The following SLC39A11 variants were observed in gnomAD, a reference collection of about 807,000 sequenced individuals.
SLC39A11 encodes the protein solute carrier family 39 member 11.
SLC39A11 carries 33 observed loss-of-function variants against 36.1 expected under a neutral mutation model. The observed-to-expected ratio is 0.91, with a 90% CI of 0.69 to 1.22. SLC39A11 has a LOEUF of 1.22. Among genes scored for constraint, SLC39A11 ranks in the 50% most tolerant of loss-of-function variants. SLC39A11 has a pLI of 0.00. For missense variants in SLC39A11, 432 were observed against 430.3 expected (o/e 1.00, Z -0.03); for synonymous variants, 166 against 170.3 (o/e 0.97, Z 0.20).
At chr17:73,039,051 T>C (rs1345789048) in intron 3 of SLC39A11, among the ~76,000 whole-genome samples, 1 of 152,194 alleles carries the variant, frequency 6.6e-6, no homozygotes, top group Non-Finnish European at 1.5e-5. Flanking sequence ...CGAGTTTGAA[T>C]CTTGGCTCAG....
intron 6 of SLC39A11, among the ~76,000 whole-genome samples, chr17:72,835,398 G>A (rs1444537708): frequency 6.6e-6 from 1 of 152,172 alleles, no homozygotes; most frequent in Non-Finnish European, 1.5e-5. Context: ...GAGTTTGGGG[G>A]AAGAGGAGGA....
chr17:72,964,847 C>A (rs1310740628), intron 4 of SLC39A11, among the ~76,000 whole-genome samples: 1 of 152,158 alleles, frequency 6.6e-6, no homozygotes, highest in Non-Finnish European at 1.5e-5. Context: ...GACTTGGAAC[C>A]AACCCAAATG....
chr17:72,734,453 G>A (rs145044198), intron 7 of SLC39A11, among the ~76,000 whole-genome samples: 37 of 152,250 alleles, frequency 2.4e-4, no homozygotes, highest in African/African-American at 7.9e-4. Flanking sequence ...AGGTGTGGGG[G>A]CATATGGACC....
chr17:72,865,967 C>A (rs986465430), intron 5 of SLC39A11, among the ~76,000 whole-genome samples: 3 of 152,144 alleles, frequency 2.0e-5, no homozygotes, highest in Admixed American at 6.5e-5. Context: ...GAGGATAAAT[C>A]TAAATCAGAG....
At chr17:72,809,199 T>TTCTTTCTCTCTCTCTCTC (rs2077356551) in intron 6 of SLC39A11, among the ~76,000 whole-genome samples, 1 of 102,202 alleles carries the variant, frequency 9.8e-6, no homozygotes, top group African/African-American at 2.7e-5. Context: ...TTTCTTTTCT[T>TTCTTTCTCTCTCTCTCTC]TCTCTCTCTC....
chr17:72,703,670 C>G (rs912296905), intron 7 of SLC39A11, among the ~76,000 whole-genome samples: 5 of 152,210 alleles, frequency 3.3e-5, no homozygotes, highest in Admixed American at 3.3e-4. Context: ...AAACTGTTAA[C>G]ATCCATGGCC....
At chr17:72,825,826 T>A (rs2078007133) in intron 6 of SLC39A11, among the ~76,000 whole-genome samples, 1 of 152,194 alleles carries the variant, frequency 6.6e-6, no homozygotes, top group African/African-American at 2.4e-5. Context: ...CCTTTTGGAA[T>A]GGGGAGTATT....
At chr17:72,834,939 C>T (rs1370473577) in intron 6 of SLC39A11, among the ~76,000 whole-genome samples, 3 of 152,202 alleles carry the variant, frequency 2.0e-5, no homozygotes, top group Non-Finnish European at 2.9e-5. Context: ...GGCATCTGCG[C>T]GTCTGTCGCC....
intron 6 of SLC39A11, among the ~76,000 whole-genome samples, chr17:72,806,669 G>A (rs1193445257): frequency 6.6e-6 from 1 of 151,948 alleles, no homozygotes; most frequent in Non-Finnish European, 1.5e-5. Flanking sequence ...TGCAACCTCC[G>A]CCTCCCAAGT....
intron 3 of SLC39A11, among the ~76,000 whole-genome samples, chr17:73,036,279 G>A (rs1236625481): frequency 6.6e-6 from 1 of 152,134 alleles, no homozygotes; most frequent in Non-Finnish European, 1.5e-5. Context: ...GCAAAATTGA[G>A]TGGAAAGTAC....
At chr17:72,848,597 T>C (rs962420579) in intron 6 of SLC39A11, among the ~76,000 whole-genome samples, 6 of 151,960 alleles carry the variant, frequency 3.9e-5, no homozygotes, top group Non-Finnish European at 7.4e-5. Context: ...GGTGCACACC[T>C]GTAATCCCAG....
chr17:72,879,185 G>GT (rs1192690047), intron 5 of SLC39A11, among the ~76,000 whole-genome samples: 1 of 152,190 alleles, frequency 6.6e-6, no homozygotes, highest in African/African-American at 2.4e-5. Context: ...TGCCCTTTGG[G>GT]TTTTTTATGG....
Position 72,646,373 on chromosome 17 carries a change from T to C in SLC39A11, c.*1211A>G, listed in dbSNP as rs2069560139. 6.6e-6 allele frequency: 1 copy of C among 152,326 alleles called. No individual in the cohort carries two copies. Among genetic ancestry groups the C allele is most frequent in the African/African-American group, 2.4e-5 (1 of 41,444 alleles). 9.4% of individuals were successfully genotyped at this position (152,326 alleles called of 1,614,324 possible). A position where few individuals can be genotyped will look rare whatever the true frequency, so the allele number is the denominator to read the frequency against. On this transcript the variant is annotated 3_prime_UTR_variant, in exon 10 of 10. Transcript: ENST00000255559. ...TGGCAGGCCTTATCTGTGTTTGAAG[T>C]GGACAGGTCATTGCTACCCCTGTTG...
At chr17:72,759,455 C>T (rs1047584486) in intron 6 of SLC39A11, among the ~76,000 whole-genome samples, 6 of 152,174 alleles carry the variant, frequency 3.9e-5, no homozygotes, top group Admixed American at 2.6e-4. Context: ...TTAAAAATCA[C>T]GTGTCTGGAT....
At chr17:72,695,814 A>C (rs982400655) in intron 7 of SLC39A11, among the ~76,000 whole-genome samples, 3 of 152,222 alleles carry the variant, frequency 2.0e-5, no homozygotes, top group Admixed American at 2.0e-4. Flanking sequence ...GCCACCAGCC[A>C]AAGGATGCCT....
intron 6 of SLC39A11, among the ~76,000 whole-genome samples, chr17:72,756,534 A>G (rs1418486367): frequency 1.3e-5 from 2 of 152,278 alleles, no homozygotes; most frequent in Admixed American, 1.3e-4. Context: ...GCCAATCACA[A>G]AAAGACGAAT....
chr17:72,771,733 C>T (rs1264969285), intron 6 of SLC39A11, among the ~76,000 whole-genome samples: 4 of 152,308 alleles, frequency 2.6e-5, no homozygotes, highest in East Asian at 1.9e-4. Flanking sequence ...TAAGAAAAAA[C>T]GATGTGTGAT....
chr17:72,794,766 G>A (rs971766830), intron 6 of SLC39A11, among the ~76,000 whole-genome samples: 2 of 152,142 alleles, frequency 1.3e-5, no homozygotes, highest in Middle Eastern at 3.4e-3. Context: ...CCTCCAGCAA[G>A]TGCCTCCTCT....
At position 72,732,017 on chromosome 17, in the gene SLC39A11, T is replaced by A. The variant is rs1307845299; in HGVS notation, c.671+4633A>T. ...GGTGAGATTACAGGCCCTTTTCTTT[T>A]CTTTATTTTTTTCTTTTCTTTTCTT... On this transcript the variant is annotated intron_variant, in intron 7 of 9. Coordinates refer to ENST00000255559, the MANE Select transcript of SLC39A11 (RefSeq NM_139177.4). Among the ~76,000 whole-genome samples the A allele has an allele frequency of 1.2e-3, 174 of 145,772 alleles. 1 individual carries two copies. Among genetic ancestry groups the A allele is most frequent in the African/African-American group, 4.2e-3 (168 of 39,604 alleles).
Sources: gnomAD v4.1 joint callset for allele counts (sites outside exome capture counted in the v4.1 genomes callset) on GRCh38, gnomAD v4.1.1 for gene constraint, MANE v1.5 for transcripts, NCBI Gene and HGNC (gene_info 2026-07-23, HGNC 2026-07-21) for gene names.